Variants in GABBR1 observed in about 807,000 individuals in gnomAD.
GABBR1 encodes the protein gamma-aminobutyric acid type B receptor subunit 1.
Under a neutral mutation model 117.7 loss-of-function variants are expected in GABBR1, and 35 were observed. That is an observed-to-expected ratio of 0.30 (90% confidence interval 0.23 to 0.39). The LOEUF is 0.39. Ranked by LOEUF, GABBR1 falls within the 10% of genes least tolerant of loss-of-function variation. The pLI is 1.00. For synonymous variants in GABBR1, 442 were observed against 486.6 expected, an observed-to-expected ratio of 0.91 and a Z score of 1.21; for missense variants, 709 against 1,241.8, an observed-to-expected ratio of 0.57 and a Z score of 6.45.
chr6:29,611,668 G>A lies in GABBR1; in HGVS notation c.1631-667C>T, dbSNP rs942284543. Reference sequence around the variant, plus strand: ...AAAGGAAGAAAGAAACTTTTCACAGGAGGCCAAGAAATAGCTCTCTTGGCC... The same window carrying A: ...AAAGGAAGAAAGAAACTTTTCACAGAAGGCCAAGAAATAGCTCTCTTGGCC... On this transcript the variant is annotated intron_variant, in intron 13 of 22. Transcript: ENST00000377034. This position sits in a 1 kb window ranked among gnomAD's most constrained non-coding sequence, Gnocchi z 4.6. Among the ~76,000 whole-genome samples, 1 of 152,170 alleles carries A rather than the reference G, an allele frequency of 6.6e-6. No individual in the cohort carries two copies. Among genetic ancestry groups the A allele is most frequent in the Admixed American group, 6.5e-5 (1 of 15,282 alleles).
chr6:29,604,732 G>A lies in GABBR1; in HGVS notation c.2569-95C>T. 1 of 1,598,498 alleles carries A rather than the reference G, an allele frequency of 6.3e-7. No homozygotes were observed. The highest frequency in any genetic ancestry group is 8.6e-7 in the Non-Finnish European group (1 of 1,169,534). The stretch of plus-strand genomic sequence containing the variant: ...GGAGGTGGAAGGAATGCTGATAAGA[G>A]TTGGGCCCAAAACAAGGGGAGGAGT... On this transcript the variant is annotated intron_variant, in intron 21 of 22. Coordinates refer to ENST00000377034, the MANE Select transcript of GABBR1 (RefSeq NM_001470.4). This position sits in a 1 kb window ranked among gnomAD's most constrained non-coding sequence, Gnocchi z 5.3.
In GABBR1 at chr6:29,604,799, AGGAAGGAG is replaced by A; in HGVS notation, c.2568+53_2568+60del. ...GAAGGGCAGAGGAACTCAGTAATAT[AGGAAGGAG>A]GGATGGAGGGAACATGGGAACAAAG... On this transcript the variant is annotated intron_variant, in intron 21 of 22. Transcript: ENST00000377034. The surrounding 1 kb of genome is among the most constrained non-coding windows in gnomAD (Gnocchi z 5.3). 1 of 1,593,780 alleles carries A rather than the reference AGGAAGGAG, an allele frequency of 6.3e-7. No homozygotes were observed. Among genetic ancestry groups the A allele is most frequent in the Non-Finnish European group, 8.6e-7 (1 of 1,169,506 alleles).
In GABBR1 at chr6:29,615,435, C is replaced by A. The variant is rs376140513; in HGVS notation, c.1324-1950G>T. Reference sequence around the variant, plus strand: ...AGACAGCCTGGCCAACCTGGTGAAACCCGTCTCTACTAAAAATACAAAAAT... The same window carrying A: ...AGACAGCCTGGCCAACCTGGTGAAAACCGTCTCTACTAAAAATACAAAAAT... On this transcript the variant is annotated intron_variant, in intron 11 of 22. Coordinates refer to ENST00000377034, the MANE Select transcript of GABBR1 (RefSeq NM_001470.4). Among the ~76,000 whole-genome samples the A allele has an allele frequency of 2.7e-3, 404 of 151,864 alleles. 2 individuals are homozygous for A. The highest frequency in any genetic ancestry group is 5.5e-3 in the African/African-American group (226 of 41,402).
Position 29,603,320 on chromosome 6 carries a change from T to G in GABBR1, c.*223A>C. Reference sequence around the variant, plus strand: ...TACGAACTAAATTGTGAAGAGGTGATACAAAATTACATGAAGCAGTAAGAG... The same window carrying G: ...TACGAACTAAATTGTGAAGAGGTGAGACAAAATTACATGAAGCAGTAAGAG... On this transcript the variant is annotated 3_prime_UTR_variant, in exon 23 of 23. Transcript: ENST00000377034. The G allele has an allele frequency of 1.4e-6, 1 of 698,042 alleles. No homozygotes were observed. The allele number at this position is 698,042 out of a possible 1,614,324, so 43.2% of individuals were successfully genotyped here.
chr6:29,605,219 A>T lies in GABBR1; in HGVS notation c.2440-231T>A. ...TCCCCTCAAGGCAGGAACTCCCAGGATCTCTATGCACAGATTCCGGGTCCT... is the reference window on the plus strand; with the variant it reads ...TCCCCTCAAGGCAGGAACTCCCAGGTTCTCTATGCACAGATTCCGGGTCCT... On this transcript the variant is annotated intron_variant, in intron 20 of 22. Coordinates refer to ENST00000377034, the MANE Select transcript of GABBR1 (RefSeq NM_001470.4). This position sits in a 1 kb window ranked among gnomAD's most constrained non-coding sequence, Gnocchi z 4.2. The T allele has an allele frequency of 1.7e-6, 1 of 581,936 alleles. No homozygotes were observed. Among genetic ancestry groups the T allele is most frequent in the Non-Finnish European group, 3.0e-6 (1 of 337,274 alleles). The allele number at this position is 581,936 out of a possible 1,614,324, so 36.0% of individuals were successfully genotyped here. A position where few individuals can be genotyped will look rare whatever the true frequency, so the allele number is the denominator to read the frequency against.
At position 29,607,502 on chromosome 6, in the gene GABBR1, A is replaced by G. The variant is rs29266; in HGVS notation, c.1993-284T>C. 0.055 allele frequency among the ~76,000 whole-genome samples: 8,402 copies of G among 152,182 alleles called. 348 individuals carry two copies. The highest frequency in any genetic ancestry group is 0.14 in the South Asian group (698 of 4,818). On this transcript the variant is annotated intron_variant, in intron 16 of 22. Coordinates refer to ENST00000377034, the MANE Select transcript of GABBR1 (RefSeq NM_001470.4). The surrounding 1 kb of genome is among the most constrained non-coding windows in gnomAD (Gnocchi z 5.0). Reference sequence around the variant, plus strand: ...GCCAAAAACCTCCAACCACTCCCCAATATCTATAAGTTATAGCCTGAACAC... The same window carrying G: ...GCCAAAAACCTCCAACCACTCCCCAGTATCTATAAGTTATAGCCTGAACAC...
At chr6:29,603,783 AAG>A in intron 22 of GABBR1, 67 bp from the exon 23 acceptor site, 2 of 1,247,050 alleles carry the variant, frequency 1.6e-6, no homozygotes, top group East Asian at 2.6e-5. Flanking sequence ...GGAGGAGGGA[AAG>A]AGAGGAAGGG....
In GABBR1 at chr6:29,604,168, C is replaced by T. The variant is rs1761703609; in HGVS notation, c.2712+326G>A. Reference sequence around the variant, plus strand: ...TGCTGTGAGTGTTGACTACTAGAGGCTCACAGCTGCCTCTCTCCAGTTGTC... The same window carrying T: ...TGCTGTGAGTGTTGACTACTAGAGGTTCACAGCTGCCTCTCTCCAGTTGTC... On this transcript the variant is annotated intron_variant, in intron 22 of 22. Coordinates refer to ENST00000377034, the MANE Select transcript of GABBR1 (RefSeq NM_001470.4). This position sits in a 1 kb window ranked among gnomAD's most constrained non-coding sequence, Gnocchi z 5.3. Among the ~76,000 whole-genome samples, 1 of 152,052 alleles carries T rather than the reference C, an allele frequency of 6.6e-6. No homozygotes were observed.
At position 29,611,075 on chromosome 6, in the gene GABBR1, T is replaced by G; in HGVS notation, c.1631-74A>C. 1 of 1,157,736 alleles carries G rather than the reference T, an allele frequency of 8.6e-7. No individual in the cohort carries two copies. The highest frequency in any genetic ancestry group is 1.3e-6 in the Non-Finnish European group (1 of 768,016). The allele number at this position is 1,157,736 out of a possible 1,614,324, so 71.7% of individuals were successfully genotyped here. The stretch of plus-strand genomic sequence containing the variant: ...ATCCTAGGCATTTTCAACTTCCCAC[T>G]TCCCTAGAGCTTTGCATGGTTGTAT... On this transcript the variant is annotated intron_variant, in intron 13 of 22. Coordinates refer to ENST00000377034, the MANE Select transcript of GABBR1 (RefSeq NM_001470.4). This position sits in a 1 kb window ranked among gnomAD's most constrained non-coding sequence, Gnocchi z 4.6.
chr6:29,632,782 T>G lies in GABBR1; in HGVS notation c.-1+68A>C. 1.3e-6 allele frequency: 1 copy of G among 764,924 alleles called. No homozygotes were observed. Among genetic ancestry groups the G allele is most frequent in the Non-Finnish European group, 1.6e-6 (1 of 624,988 alleles). 47.4% of individuals were successfully genotyped at this position (764,924 alleles called of 1,614,324 possible). On this transcript the variant is annotated intron_variant, in intron 1 of 22. Transcript: ENST00000377034. This position sits in a 1 kb window ranked among gnomAD's most constrained non-coding sequence, Gnocchi z 5.8. ...TCCCCCAGCTGGGCCCTGCGCCCAC[T>G]GCCCCCTCCCCCACCACGCCGCGCG... is the stretch of plus-strand genomic sequence containing the variant.
chr6:29,624,230 A>G (rs1764046249), intron 6 of GABBR1: 2 of 514,814 alleles, frequency 3.9e-6, no homozygotes, highest in African/African-American at 3.8e-5. Context: ...TCTGTCTTCC[A>G]TCTGGAGCCT....
At position 29,627,422 on chromosome 6, in the gene GABBR1, G is replaced by T; in HGVS notation, c.657+64C>A. 1 of 1,484,286 alleles carries T rather than the reference G, an allele frequency of 6.7e-7. No individual in the cohort carries two copies. The highest frequency in any genetic ancestry group is 9.1e-7 in the Non-Finnish European group (1 of 1,094,652). The allele number at this position is 1,484,286 out of a possible 1,614,324, so 91.9% of individuals were successfully genotyped here. A position where few individuals can be genotyped will look rare whatever the true frequency, so the allele number is the denominator to read the frequency against. On this transcript the variant is annotated intron_variant, in intron 6 of 22. Transcript: ENST00000377034. This position sits in a 1 kb window ranked among gnomAD's most constrained non-coding sequence, Gnocchi z 4.4. ...ACGACTCAGACAGATGGGGGCGCGT[G>T]CAGCTGGCTGGCCCCCTGCCCCGCA...
chr6:29,603,320 T>C lies in GABBR1; in HGVS notation c.*223A>G, dbSNP rs1761575138. The C allele has an allele frequency of 2.9e-6, 2 of 697,924 alleles. No individual in the cohort carries two copies. The highest frequency in any genetic ancestry group is 1.8e-5 in the African/African-American group (1 of 57,074). The allele number at this position is 697,924 out of a possible 1,614,324, so 43.2% of individuals were successfully genotyped here. ...TACGAACTAAATTGTGAAGAGGTGA[T>C]ACAAAATTACATGAAGCAGTAAGAG... On this transcript the variant is annotated 3_prime_UTR_variant, in exon 23 of 23. Coordinates refer to ENST00000377034, the MANE Select transcript of GABBR1 (RefSeq NM_001470.4).
intron 6 of GABBR1, among the ~76,000 whole-genome samples, chr6:29,624,628 G>GA (rs1241824983): frequency 1.3e-5 from 2 of 151,850 alleles, no homozygotes; most frequent in African/African-American, 2.4e-5. Context: ...AGGTCCATTA[G>GA]AAAAAAAGAC....
At position 29,611,700 on chromosome 6, in the gene GABBR1, TAA is replaced by T. The variant is rs1562090604; in HGVS notation, c.1631-701_1631-700del. Among the ~76,000 whole-genome samples the T allele has an allele frequency of 2.0e-5, 3 of 152,182 alleles. No individual in the cohort carries two copies. Among genetic ancestry groups the T allele is most frequent in the African/African-American group, 2.4e-5 (1 of 41,442 alleles). Reference sequence around the variant, plus strand: ...AGAAATAGCTCTCTTGGCCATGCCGTAAAAGACTGAGAGCCGAGTGGAGCAGA... The same window carrying T: ...AGAAATAGCTCTCTTGGCCATGCCGTAAGACTGAGAGCCGAGTGGAGCAGA... On this transcript the variant is annotated intron_variant, in intron 13 of 22. Coordinates refer to ENST00000377034, the MANE Select transcript of GABBR1 (RefSeq NM_001470.4). This position sits in a 1 kb window ranked among gnomAD's most constrained non-coding sequence, Gnocchi z 4.6.
In GABBR1 at chr6:29,606,112, A is replaced by G; in HGVS notation, c.2311+279T>C. 2 of 551,628 alleles carry G rather than the reference A, an allele frequency of 3.6e-6. No homozygotes were observed. Among genetic ancestry groups the G allele is most frequent in the Non-Finnish European group, 6.4e-6 (2 of 310,464 alleles). 34.2% of individuals were successfully genotyped at this position (551,628 alleles called of 1,614,324 possible). ...CAAGGGGGATCTAAAAGATAATGTCAAGTCTGGAGGTGGGGTTACCCCCAC... is the reference window on the plus strand; with the variant it reads ...CAAGGGGGATCTAAAAGATAATGTCGAGTCTGGAGGTGGGGTTACCCCCAC... On this transcript the variant is annotated intron_variant, in intron 19 of 22. Coordinates refer to ENST00000377034, the MANE Select transcript of GABBR1 (RefSeq NM_001470.4). The surrounding 1 kb of genome is among the most constrained non-coding windows in gnomAD (Gnocchi z 4.5).
rs1358522478 is a variant in GABBR1 at position 29,605,818 on chromosome 6, AC to A, written c.2312-123del. On this transcript the variant is annotated intron_variant, in intron 19 of 22. Transcript: ENST00000377034. This position sits in a 1 kb window ranked among gnomAD's most constrained non-coding sequence, Gnocchi z 4.2. ...AAAGGGGGCCCTCCTCTCCAATCCA[AC>A]CCCTCTGACCTAGCAAACCTCACCC... 1.7e-6 allele frequency: 2 copies of A among 1,187,798 alleles called. No homozygotes were observed. The highest frequency in any genetic ancestry group is 1.5e-5 in the African/African-American group (1 of 65,946). 73.6% of individuals were successfully genotyped at this position (1,187,798 alleles called of 1,614,324 possible).
Position 29,606,143 on chromosome 6 carries a change from C to A in GABBR1, c.2311+248G>T. On this transcript the variant is annotated intron_variant, in intron 19 of 22. Transcript: ENST00000377034. This position sits in a 1 kb window ranked among gnomAD's most constrained non-coding sequence, Gnocchi z 4.5. ...GGAGGTGGGGTTACCCCCACTTGTT[C>A]CTCTGCTGAACACAAGTTCTTCATC... 1.8e-6 allele frequency: 1 copy of A among 562,538 alleles called. No individual in the cohort carries two copies. Among genetic ancestry groups the A allele is most frequent in the South Asian group, 2.5e-5 (1 of 39,266 alleles). 34.8% of individuals were successfully genotyped at this position (562,538 alleles called of 1,614,324 possible). A position where few individuals can be genotyped will look rare whatever the true frequency, so the allele number is the denominator to read the frequency against.
chr6:29,629,489 G>A lies in GABBR1; in HGVS notation c.476-382C>T, dbSNP rs147865566. 1.1e-3 allele frequency among the ~76,000 whole-genome samples: 161 copies of A among 152,232 alleles called. No homozygotes were observed. In the East Asian group the frequency reaches 0.013, roughly 12 times the overall value. On this transcript the variant is annotated intron_variant, in intron 4 of 22. Coordinates refer to ENST00000377034, the MANE Select transcript of GABBR1 (RefSeq NM_001470.4). ...ATTTCTGCAATTTTTACAAAAGCCTGTTACCATATGAACACATATCCATCG... is the reference window on the plus strand; with the variant it reads ...ATTTCTGCAATTTTTACAAAAGCCTATTACCATATGAACACATATCCATCG...
Sources: allele counts gnomAD v4.1 joint callset (sites outside exome capture counted in the v4.1 genomes callset), GRCh38; gene constraint gnomAD v4.1.1; non-coding constraint Gnocchi (gnomAD v3.1); transcripts MANE v1.5; gene names NCBI Gene and HGNC (gene_info 2026-07-23, HGNC 2026-07-21).